Variants in GAB1 observed in about 807,000 individuals in gnomAD.
The protein encoded by GAB1 is GRB2 associated binding protein 1.
In GAB1, 19 loss-of-function variants were observed where a neutral mutation model predicts 66.5. The ratio of observed to expected loss-of-function variants is 0.29; its 90% CI spans 0.20 to 0.42. The LOEUF (loss-of-function observed/expected upper bound fraction) is 0.42. GAB1 is among the 10% of genes least tolerant of loss of function. The pLI is 1.00. For synonymous variants in GAB1, 294 were observed against 301.4 expected, an observed-to-expected ratio of 0.98 and a Z score of 0.25; for missense variants, 732 against 858.5, an observed-to-expected ratio of 0.85 and a Z score of 1.84.
intron 1 of GAB1, among the ~76,000 whole-genome samples, chr4:143,378,664 T>TCTCTCG (rs1730522742): frequency 6.7e-6 from 1 of 148,614 alleles, no homozygotes; most frequent in Non-Finnish European, 1.5e-5. Context: ...TCTCTCTCTC[T>TCTCTCG]CTCTCTCTCG....
At chr4:143,347,366 A>G (rs1022280781) in intron 1 of GAB1, among the ~76,000 whole-genome samples, 3 of 152,242 alleles carry the variant, frequency 2.0e-5, no homozygotes, top group African/African-American at 4.8e-5. Context: ...TATGATTTGC[A>G]TTACAAAAAC....
chr4:143,377,854 T>C (rs1730481352), intron 1 of GAB1, among the ~76,000 whole-genome samples: 1 of 152,242 alleles, frequency 6.6e-6, no homozygotes, highest in Non-Finnish European at 1.5e-5. Context: ...AAAAGAGAAG[T>C]GAAATCCAAG....
intron 1 of GAB1, among the ~76,000 whole-genome samples, chr4:143,359,552 C>T (rs1180715859): frequency 6.6e-6 from 1 of 152,206 alleles, no homozygotes; most frequent in Non-Finnish European, 1.5e-5. Flanking sequence ...TTTCCCAAAA[C>T]ATCACTGCTC....
chr4:143,378,967 C>T (rs775914124), intron 1 of GAB1, among the ~76,000 whole-genome samples: 1 of 152,112 alleles, frequency 6.6e-6, no homozygotes, highest in Admixed American at 6.6e-5. Flanking sequence ...TGTCAGTGGC[C>T]TAGCCTTAGG....
intron 1 of GAB1, among the ~76,000 whole-genome samples, chr4:143,349,017 TTGTCC>T (rs1729083541): frequency 6.6e-6 from 1 of 152,172 alleles, no homozygotes. Context: ...AGCATCTGTT[TTGTCC>T]TCCTGTCATG....
rs906157573 is a variant in GAB1 at position 143,472,492 on chromosome 4, G to T, written c.*3303G>T. The T allele has an allele frequency of 6.6e-6, 1 of 152,038 alleles. No homozygotes were observed. The highest frequency in any genetic ancestry group is 1.9e-4 in the East Asian group (1 of 5,196). The allele number at this position is 152,038 out of a possible 1,614,324, so 9.4% of individuals were successfully genotyped here. A position where few individuals can be genotyped will look rare whatever the true frequency, so the allele number is the denominator to read the frequency against. ...GGGAAGTTGTCTGCTTCCCCCTTTA[G>T]AGAAAACAGTATTTTTATATTTTGT... On this transcript the variant is annotated 3_prime_UTR_variant, in exon 10 of 10. Coordinates refer to ENST00000262994, the MANE Select transcript of GAB1 (RefSeq NM_002039.4).
chr4:143,391,347 G>A, intron 1 of GAB1: 1 of 152,136 alleles, frequency 6.6e-6, no homozygotes, highest in East Asian at 1.9e-4. Context: ...TAAACCTTGA[G>A]GGAGAAAAGA....
At position 143,409,390 on chromosome 4, in the gene GAB1, C is replaced by G. The variant is rs191914520; in HGVS notation, c.73-6087C>G. Among the ~76,000 whole-genome samples, 833 of 148,008 alleles carry G rather than the reference C, an allele frequency of 5.6e-3. 4 individuals are homozygous for G. The highest frequency in any genetic ancestry group is 8.6e-3 in the Non-Finnish European group (577 of 66,964). On this transcript the variant is annotated intron_variant, in intron 1 of 9. Coordinates refer to ENST00000262994, the MANE Select transcript of GAB1 (RefSeq NM_002039.4). ...TTCAATAACAACTTTGAACTTTCCC[C>G]CCCCCCGCTCTGAAATCTTTTCATT...
At chr4:143,455,074 C>G (rs769939017) in intron 6 of GAB1, among the ~76,000 whole-genome samples, 18 of 152,272 alleles carry the variant, frequency 1.2e-4, no homozygotes, top group Middle Eastern at 3.4e-3. Context: ...GGGTAACTTT[C>G]TCATTGACCT....
rs191125746 is a variant in GAB1 at position 143,384,038 on chromosome 4, A to G, written c.73-31439A>G. ...CAGTGAGCTATGGTCGCACCACTGC[A>G]CTCCAGCCTGGGTGACAGAGCAAGA... On this transcript the variant is annotated intron_variant, in intron 1 of 9. Coordinates refer to ENST00000262994, the MANE Select transcript of GAB1 (RefSeq NM_002039.4). Among the ~76,000 whole-genome samples, 11 of 152,162 alleles carry G rather than the reference A, an allele frequency of 7.2e-5. No individual in the cohort carries two copies. The East Asian group carries it at 2.1e-3, about 29-fold the overall frequency.
intron 2 of GAB1, among the ~76,000 whole-genome samples, chr4:143,428,122 C>T (rs941126707): frequency 1.3e-5 from 2 of 152,176 alleles, no homozygotes; most frequent in Non-Finnish European, 2.9e-5. Flanking sequence ...ATTGGTATAA[C>T]CTTTATCCGT....
At chr4:143,406,955 C>T (rs986057523) in intron 1 of GAB1, among the ~76,000 whole-genome samples, 1 of 152,146 alleles carries the variant, frequency 6.6e-6, no homozygotes, top group Non-Finnish European at 1.5e-5. Flanking sequence ...AGAATTAATA[C>T]AGCCATGAGG....
At position 143,473,839 on chromosome 4, in the gene GAB1, C is replaced by T. The variant is rs183532181; in HGVS notation, c.*4650C>T. ...ACCCAGCCCACTTGCAACTCTGACT[C>T]TTCACTGAATCATATTTGGGAAGTT... On this transcript the variant is annotated 3_prime_UTR_variant, in exon 10 of 10. Transcript: ENST00000262994. The T allele has an allele frequency of 6.6e-6, 1 of 152,318 alleles. No individual in the cohort carries two copies. The highest frequency in any genetic ancestry group is 6.5e-5 in the Admixed American group (1 of 15,296). 9.4% of individuals were successfully genotyped at this position (152,318 alleles called of 1,614,324 possible).
At chr4:143,337,466 T>G (rs929496362) in intron 1 of GAB1, among the ~76,000 whole-genome samples, 1 of 152,152 alleles carries the variant, frequency 6.6e-6, no homozygotes, top group Non-Finnish European at 1.5e-5. Context: ...CCGGACAACT[T>G]TCTTCCTCCA....
intron 1 of GAB1, among the ~76,000 whole-genome samples, chr4:143,375,831 A>G (rs1394590500): frequency 2.0e-5 from 3 of 152,120 alleles, no homozygotes; most frequent in African/African-American, 7.2e-5. Context: ...TAGCAGCAGC[A>G]TCCTTGGTCT....
chr4:143,453,930 A>G (rs1735055093), intron 6 of GAB1, among the ~76,000 whole-genome samples: 1 of 152,198 alleles, frequency 6.6e-6, no homozygotes, highest in African/African-American at 2.4e-5. Flanking sequence ...CTAGTACCTA[A>G]GAACTCCTCA....
At position 143,411,810 on chromosome 4, in the gene GAB1, TG is replaced by T. The variant is rs1272705921; in HGVS notation, c.73-3666del. ...TTTGTACCATAATCCAGAGAACCTTTGTATCTGCCTTATTAAAGTGTGTAGT... is the reference window on the plus strand; with the variant it reads ...TTTGTACCATAATCCAGAGAACCTTTTATCTGCCTTATTAAAGTGTGTAGT... On this transcript the variant is annotated intron_variant, in intron 1 of 9. Coordinates refer to ENST00000262994, the MANE Select transcript of GAB1 (RefSeq NM_002039.4). 3.3e-5 allele frequency among the ~76,000 whole-genome samples: 5 copies of T among 152,330 alleles called. No individual in the cohort carries two copies. The East Asian group carries it at 7.7e-4, about 23-fold the overall frequency.
At chr4:143,338,714 T>G (rs867548208) in intron 1 of GAB1, among the ~76,000 whole-genome samples, 9 of 144,810 alleles carry the variant, frequency 6.2e-5, no homozygotes, top group East Asian at 3.9e-4. Flanking sequence ...AAGGTAGGGG[T>G]GTGTGTGTGT....
At chr4:143,402,372 A>G (rs1731822574) in intron 1 of GAB1, among the ~76,000 whole-genome samples, 1 of 152,216 alleles carries the variant, frequency 6.6e-6, no homozygotes, top group Non-Finnish European at 1.5e-5. Flanking sequence ...GTTGTCTTTA[A>G]CATGCCTACC....
Sources: gnomAD v4.1 joint callset for allele counts (sites outside exome capture counted in the v4.1 genomes callset) on GRCh38, gnomAD v4.1.1 for gene constraint, MANE v1.5 for transcripts, NCBI Gene and HGNC (gene_info 2026-07-23, HGNC 2026-07-21) for gene names.